The following DPP10 variants were observed in gnomAD, a reference collection of about 807,000 sequenced individuals.
The protein encoded by DPP10 is dipeptidyl peptidase like 10, also known as inactive dipeptidyl peptidase 10.
Under a neutral mutation model 120.9 loss-of-function variants are expected in DPP10, and 33 were observed. The observed-to-expected ratio is 0.27, with a 90% confidence interval of 0.21 to 0.37. The LOEUF (loss-of-function observed/expected upper bound fraction) is 0.37. Ranked by LOEUF, DPP10 falls within the 10% of genes least tolerant of loss-of-function variation. DPP10 has a pLI of 1.00. For synonymous variants in DPP10, 337 were observed against 326.1 expected, an observed-to-expected ratio of 1.03 and a Z score of -0.36; for missense variants, 816 against 942.8, an observed-to-expected ratio of 0.87 and a Z score of 1.76.
intron 1 of DPP10, chr2:115,162,386 A>C: frequency 7.6e-7 from 1 of 1,317,592 alleles, no homozygotes; most frequent in South Asian, 1.6e-5. Flanking sequence ...ACGCTGAAGA[A>C]ATCTGCTGCG....
intron 7 of DPP10, among the ~76,000 whole-genome samples, chr2:115,715,028 CAAAAAA>C (rs70941091): frequency 1.5e-5 from 1 of 66,156 alleles, no homozygotes; most frequent in Non-Finnish European, 2.8e-5. Context: ...GACTCTGTCT[CAAAAAA>C]AAAAAAAAAA....
intron 3 of DPP10, among the ~76,000 whole-genome samples, chr2:115,345,475 A>G (rs940726423): frequency 3.9e-5 from 6 of 152,306 alleles, no homozygotes; most frequent in South Asian, 2.1e-4. Context: ...AATATTTTCT[A>G]TTGAGAGAAA....
At chr2:115,078,130 G>A (rs1423058380) in intron 1 of DPP10, among the ~76,000 whole-genome samples, 3 of 152,076 alleles carry the variant, frequency 2.0e-5, no homozygotes, top group African/African-American at 7.2e-5. Flanking sequence ...AGCATGGCAC[G>A]CTAATGAAAC....
At chr2:114,524,935 C>T (rs766650439) in intron 1 of DPP10, among the ~76,000 whole-genome samples, 24 of 152,070 alleles carry the variant, frequency 1.6e-4, no homozygotes, top group Non-Finnish European at 3.2e-4. Context: ...CAATGTTTTT[C>T]TTTAAATGTA....
intron 1 of DPP10, among the ~76,000 whole-genome samples, chr2:115,017,336 T>TA (rs1369567034): frequency 3.3e-5 from 5 of 151,936 alleles, no homozygotes; most frequent in African/African-American, 9.7e-5. Context: ...TAGCAATCAT[T>TA]AAAAACGTGG....
chr2:115,768,312 T>A lies in DPP10; in HGVS notation c.1129T>A (p.Phe377Ile). The change falls in exon 13 of 26, where the codon TTT becomes ATT. Residue 377 changes from phenylalanine (F) to isoleucine (I), a missense_variant. Coordinates refer to ENST00000410059, the MANE Select transcript of DPP10 (RefSeq NM_020868.6). The stretch of plus-strand genomic sequence containing the variant: ...TGTATTTTAGAATGAGGAGCCCGTG[T>A]TTTCTAGAGACGGCAGCAAATTCTT... ...WLSQQNEEPVFSRDGSKFFMT... is the reference protein window; with the variant it reads ...WLSQQNEEPVISRDGSKFFMT... 6.2e-7 allele frequency: 1 copy of A among 1,613,562 alleles called. No homozygotes were observed. The highest frequency in any genetic ancestry group is 8.5e-7 in the Non-Finnish European group (1 of 1,179,648).
At chr2:114,941,640 T>C (rs564826528) in intron 1 of DPP10, among the ~76,000 whole-genome samples, 4 of 152,320 alleles carry the variant, frequency 2.6e-5, no homozygotes, top group Admixed American at 2.6e-4. Flanking sequence ...AGTTGCCGTA[T>C]TGCAACAGAT....
chr2:115,151,715 A>AT (rs1200514817), intron 1 of DPP10, among the ~76,000 whole-genome samples: 27,610 of 139,848 alleles, frequency 0.2, 3,601 homozygotes, highest in African/African-American at 0.38. Context: ...TCAGTATTGA[A>AT]TTTTTTTTTT....
At chr2:115,268,304 A>C (rs2059545610) in intron 1 of DPP10, among the ~76,000 whole-genome samples, 1 of 152,152 alleles carries the variant, frequency 6.6e-6, no homozygotes, top group Non-Finnish European at 1.5e-5. Flanking sequence ...TCAGAGGCTA[A>C]TTTACTTTCC....
At chr2:114,871,221 GA>G (rs550441774) in intron 1 of DPP10, among the ~76,000 whole-genome samples, 1 of 82,572 alleles carries the variant, frequency 1.2e-5, no homozygotes, top group African/African-American at 3.6e-5. Context: ...AGCCCCTTTG[GA>G]AAAAAATCCA....
At chr2:115,195,643 A>G (rs769200088) in intron 1 of DPP10, among the ~76,000 whole-genome samples, 2 of 152,106 alleles carry the variant, frequency 1.3e-5, no homozygotes, top group Non-Finnish European at 2.9e-5. Context: ...CTTTTTTTGT[A>G]ATTTAGATAA....
intron 1 of DPP10, among the ~76,000 whole-genome samples, chr2:114,550,907 C>T (rs767153326): frequency 4.6e-5 from 7 of 152,148 alleles, no homozygotes; most frequent in South Asian, 2.1e-4. Context: ...TCAGATCAGA[C>T]GAGTTACTTA....
intron 3 of DPP10, among the ~76,000 whole-genome samples, chr2:115,470,447 G>C (rs540455664): frequency 6.6e-6 from 1 of 152,240 alleles, no homozygotes; most frequent in Non-Finnish European, 1.5e-5. Flanking sequence ...CATAGCATAT[G>C]AACAAGTAGA....
At chr2:114,942,942 C>T (rs563819113) in intron 1 of DPP10, among the ~76,000 whole-genome samples, 1 of 152,048 alleles carries the variant, frequency 6.6e-6, no homozygotes, top group East Asian at 1.9e-4. Context: ...AGTACACCTG[C>T]GGAACATGCA....
chr2:115,804,628 T>C (rs1685690843), intron 19 of DPP10, among the ~76,000 whole-genome samples: 1 of 152,196 alleles, frequency 6.6e-6, no homozygotes, highest in Admixed American at 6.5e-5. Flanking sequence ...GTCCTTTCTG[T>C]TTGTTAGTTT....
At chr2:114,747,240 A>G (rs976620924) in intron 1 of DPP10, among the ~76,000 whole-genome samples, 1 of 152,166 alleles carries the variant, frequency 6.6e-6, no homozygotes, top group African/African-American at 2.4e-5. Flanking sequence ...CTTACCTGAT[A>G]ACTTTCCTTT....
At chr2:115,435,774 A>G (rs550663726) in intron 3 of DPP10, among the ~76,000 whole-genome samples, 1 of 151,958 alleles carries the variant, frequency 6.6e-6, no homozygotes, top group African/African-American at 2.4e-5. Context: ...GCCCAGATTA[A>G]TGTCCTGAAG....
At position 115,730,503 on chromosome 2, in the gene DPP10, A is replaced by G. The variant is rs187965120; in HGVS notation, c.697+2567A>G. 3.3e-5 allele frequency among the ~76,000 whole-genome samples: 5 copies of G among 152,282 alleles called. No individual in the cohort carries two copies. In the East Asian group the frequency reaches 9.7e-4, roughly 29 times the overall value. ...CCCTTGGTGATAAAAGGTGGTCTGT[A>G]ACGTCGATGAAGTTTTCAGTCAACT... On this transcript the variant is annotated intron_variant, in intron 8 of 25. Transcript: ENST00000410059.
At chr2:115,551,561 T>G (rs1550987) in intron 5 of DPP10, among the ~76,000 whole-genome samples, 1 of 152,080 alleles carries the variant, frequency 6.6e-6, no homozygotes. Context: ...AATTTCAAGA[T>G]GCTCATGTTG....
Sources: allele counts gnomAD v4.1 joint callset (sites outside exome capture counted in the v4.1 genomes callset), GRCh38; gene constraint gnomAD v4.1.1; transcripts MANE v1.5; gene names NCBI Gene and HGNC (gene_info 2026-07-23, HGNC 2026-07-21).